SLC9A5: variants seen among roughly 807,000 people sequenced by gnomAD.
SLC9A5 encodes solute carrier family 9 member A5.
SLC9A5 carries 52 observed loss-of-function variants against 91.7 expected under a neutral mutation model. The observed-to-expected ratio is 0.57, with a 90% confidence interval of 0.45 to 0.71. SLC9A5 has a LOEUF of 0.71. Among genes scored for constraint, SLC9A5 ranks in the 30% least tolerant of loss-of-function variants. The pLI, the probability that SLC9A5 is intolerant of heterozygous loss-of-function variation, is 0.00. For synonymous variants in SLC9A5, 419 were observed against 474.5 expected, an observed-to-expected ratio of 0.88 and a Z score of 1.52; for missense variants, 871 against 1,158.9, an observed-to-expected ratio of 0.75 and a Z score of 3.61.
At chr16:67,265,393 C>T (rs2142379287) in intron 14 of SLC9A5, among the ~76,000 whole-genome samples, 1 of 152,222 alleles carries the variant, frequency 6.6e-6, no homozygotes, top group Non-Finnish European at 1.5e-5. Context: ...TGGGTGGACT[C>T]TGGGGCCCAG....
intron 12 of SLC9A5, among the ~76,000 whole-genome samples, chr16:67,260,290 G>A (rs2035484589): frequency 6.8e-6 from 1 of 146,998 alleles, no homozygotes; most frequent in Non-Finnish European, 1.5e-5. Flanking sequence ...GGGAGGCAGA[G>A]GTTGCAATGA....
chr16:67,259,414 T>TA (rs987406359), intron 10 of SLC9A5, among the ~76,000 whole-genome samples, 159 bp from the exon 11 acceptor site: 3 of 151,074 alleles, frequency 2.0e-5, no homozygotes, highest in Non-Finnish European at 2.9e-5. Flanking sequence ...GTACCTATGT[T>TA]ATAGATTTTG....
At position 67,256,499 on chromosome 16, in the gene SLC9A5, G is replaced by T. The variant is rs1197754406; in HGVS notation, c.942G>T (p.Lys314Asn). The change falls in exon 6 of 16, where the codon AAG becomes AAT. Residue 314 changes from lysine (K) to asparagine (N), a missense_variant. This residue lies in a region of SLC9A5 where 454 missense variants were observed against 718.3 expected (regional missense o/e 0.63). Coordinates refer to ENST00000299798, the MANE Select transcript of SLC9A5 (RefSeq NM_004594.3). The surrounding 1 kb of genome is among the most constrained non-coding windows in gnomAD (Gnocchi z 4.1). ...AVTMCGLGCK[K>N]YVEANISHKS... ...CCATGTGTGGCCTGGGCTGTAAGAA[G>T]TACGTGGAGGCCAACATCTCCCATA... The T allele has an allele frequency of 6.2e-7, 1 of 1,612,458 alleles. No homozygotes were observed. Among genetic ancestry groups the T allele is most frequent in the Non-Finnish European group, 8.5e-7 (1 of 1,179,964 alleles).
intron 15 of SLC9A5, among the ~76,000 whole-genome samples, chr16:67,268,734 G>A (rs1158051232): frequency 2.6e-5 from 3 of 116,204 alleles, no homozygotes; most frequent in African/African-American, 9.4e-5. Flanking sequence ...CTTGTCCAAT[G>A]TCCCTTTTAA....
intron 10 of SLC9A5, 95 bp from the exon 11 acceptor site, chr16:67,259,478 A>C (rs1285322602): frequency 3.5e-6 from 3 of 862,762 alleles, no homozygotes; most frequent in Non-Finnish European, 5.8e-6. Flanking sequence ...AAAAGAGTAA[A>C]CTAAGTGTTC....
chr16:67,266,909 CT>C (rs59587631), intron 15 of SLC9A5, among the ~76,000 whole-genome samples: 13,880 of 77,724 alleles, frequency 0.18, 1,590 homozygotes, highest in African/African-American at 0.42. Flanking sequence ...TTTTCTTTTT[CT>C]TTTTTTTTTT....
At chr16:67,249,233 C>A (rs1276220483) in intron 1 of SLC9A5, 32 bp downstream of exon 1, 25 of 1,364,650 alleles carry the variant, frequency 1.8e-5, no homozygotes, top group Non-Finnish European at 2.3e-5. Flanking sequence ...CCAGGCCGAC[C>A]GCCAGCGGCG....
At chr16:67,260,299 G>A (rs2035485285) in intron 12 of SLC9A5, among the ~76,000 whole-genome samples, 1 of 137,832 alleles carries the variant, frequency 7.3e-6, no homozygotes, top group Non-Finnish European at 1.5e-5. Context: ...AGGTTGCAAT[G>A]AGCTGAGGTC....
chr16:67,258,989 G>A lies in SLC9A5; in HGVS notation c.1626+542G>A, dbSNP rs1294662739. Among the ~76,000 whole-genome samples, 3 of 151,998 alleles carry A rather than the reference G, an allele frequency of 2.0e-5. No homozygotes were observed. The highest frequency in any genetic ancestry group is 2.9e-5 in the Non-Finnish European group (2 of 67,966). ...AAAATCTGGGAAGCGGGCTGGGCACGGTGGCTCACACCTGTAATCCCAGCA... is the reference window on the plus strand; with the variant it reads ...AAAATCTGGGAAGCGGGCTGGGCACAGTGGCTCACACCTGTAATCCCAGCA... On this transcript the variant is annotated intron_variant, in intron 10 of 15. Coordinates refer to ENST00000299798, the MANE Select transcript of SLC9A5 (RefSeq NM_004594.3). This position sits in a 1 kb window ranked among gnomAD's most constrained non-coding sequence, Gnocchi z 4.5.
Position 67,258,304 on chromosome 16 carries a change from G to C in SLC9A5, c.1497-14G>C. 1 of 1,613,320 alleles carries C rather than the reference G, an allele frequency of 6.2e-7. No individual in the cohort carries two copies. Among genetic ancestry groups the C allele is most frequent in the East Asian group, 2.2e-5 (1 of 44,880 alleles). ...GGGAATGGGACTCAGGGCCGGGCCT[G>C]GCATCCTCTGTAGGTGGGAGCAGTT... is the stretch of plus-strand genomic sequence containing the variant. On this transcript the variant is annotated splice_polypyrimidine_tract_variant and intron_variant, in intron 9 of 15. Coordinates refer to ENST00000299798, the MANE Select transcript of SLC9A5 (RefSeq NM_004594.3). The surrounding 1 kb of genome is among the most constrained non-coding windows in gnomAD (Gnocchi z 4.5).
intron 13 of SLC9A5, 79 bp downstream of exon 13, chr16:67,264,601 C>T: frequency 3.4e-6 from 5 of 1,462,444 alleles, no homozygotes; most frequent in Non-Finnish European, 4.8e-6. Context: ...TGTTAGGATC[C>T]AGCTTAGGGG....
intron 14 of SLC9A5, among the ~76,000 whole-genome samples, 164 bp from the exon 15 acceptor site, chr16:67,265,924 G>C (rs577613694): frequency 4.1e-4 from 62 of 152,270 alleles, no homozygotes; most frequent in Non-Finnish European, 7.5e-4. Context: ...TTCCTCCCAA[G>C]TCCCCACCTC....
At chr16:67,249,850 G>A (rs972482449) in intron 1 of SLC9A5, among the ~76,000 whole-genome samples, 1 of 152,212 alleles carries the variant, frequency 6.6e-6, no homozygotes, top group African/African-American at 2.4e-5. Context: ...TACCCTAGAT[G>A]CTTTCATACA....
Position 67,266,184 on chromosome 16 carries a change from C to T in SLC9A5, c.2177C>T (p.Ala726Val). 6.2e-7 allele frequency: 1 copy of T among 1,609,208 alleles called. No individual in the cohort carries two copies. The highest frequency in any genetic ancestry group is 8.5e-7 in the Non-Finnish European group (1 of 1,177,838). The change falls in exon 15 of 16, where the codon GCT becomes GTT. Residue 726 changes from alanine (A) to valine (V), a missense_variant. Physicochemically the swap from Ala to Val is moderately conservative, Grantham distance 64. Around this residue, in one of 3 missense-constraint regions of SLC9A5, gnomAD observed 295 missense variants for 326.0 expected, o/e 0.90. Coordinates refer to ENST00000299798, the MANE Select transcript of SLC9A5 (RefSeq NM_004594.3). ...KEDDEGIIFV[A>V]RATSEVLQEG... is the part of the protein sequence containing the mutation. ...GACGATGAGGGGATCATCTTTGTGG[C>T]TCGTGCCACCAGTGAGGTTCTCCAA...
In SLC9A5 at chr16:67,264,370, C is replaced by T. The variant is rs558004056; in HGVS notation, c.1861C>T (p.Arg621Cys). 14 of 1,614,118 alleles carry T rather than the reference C, an allele frequency of 8.7e-6. No individual in the cohort carries two copies. Among genetic ancestry groups the T allele is most frequent in the African/African-American group, 1.3e-5 (1 of 75,038 alleles). Residue 621 changes from arginine to cysteine, a missense_variant, in exon 13 of 16, where the codon CGC (arginine) becomes TGC (cysteine). By Grantham distance (180) the Arg-to-Cys change is radical (BLOSUM62 -3). This residue lies in a region of SLC9A5 where 454 missense variants were observed against 718.3 expected (regional missense o/e 0.63). Coordinates refer to ENST00000299798, the MANE Select transcript of SLC9A5 (RefSeq NM_004594.3). ...TTGCCAGTACAAAGCCAGCTGCAGT[C>T]GCCACTTCATCTCAGAGGATGCGCA... Reference protein sequence around the residue: ...PRRRYKASCSRHFISEDAQER... With the variant: ...PRRRYKASCSCHFISEDAQER...
rs1291318772 is a variant in SLC9A5 at position 67,252,853 on chromosome 16, C to A, written c.490+9C>A. On this transcript the variant is annotated intron_variant, in intron 2 of 15. Transcript: ENST00000299798. This position sits in a 1 kb window ranked among gnomAD's most constrained non-coding sequence, Gnocchi z 4.0. ...GCAGGCTGGACTTGTAGGTGAGTGACCCTAAGACCTGGGCTTTGCCAGACC... is the reference window on the plus strand; with the variant it reads ...GCAGGCTGGACTTGTAGGTGAGTGAACCTAAGACCTGGGCTTTGCCAGACC... 20 of 1,607,560 alleles carry A rather than the reference C, an allele frequency of 1.2e-5. No homozygotes were observed. The highest frequency in any genetic ancestry group is 1.7e-5 in the Admixed American group (1 of 59,754).
Position 67,258,591 on chromosome 16 carries a change from G to C in SLC9A5, c.1626+144G>C. ...TCCATGGTCTGGTGAAGTGGCAGCGGCAGGAAGCAGCTGGGTCTGGTGCTG... is the reference window on the plus strand; with the variant it reads ...TCCATGGTCTGGTGAAGTGGCAGCGCCAGGAAGCAGCTGGGTCTGGTGCTG... On this transcript the variant is annotated intron_variant, in intron 10 of 15. Coordinates refer to ENST00000299798, the MANE Select transcript of SLC9A5 (RefSeq NM_004594.3). This position sits in a 1 kb window ranked among gnomAD's most constrained non-coding sequence, Gnocchi z 4.5. 1 of 924,744 alleles carries C rather than the reference G, an allele frequency of 1.1e-6. No homozygotes were observed. Among genetic ancestry groups the C allele is most frequent in the Non-Finnish European group, 1.7e-6 (1 of 600,010 alleles). The allele number at this position is 924,744 out of a possible 1,614,324, so 57.3% of individuals were successfully genotyped here.
rs372532103 is a variant in SLC9A5 at position 67,268,611 on chromosome 16, TC to T, written c.2219-2124del. Among the ~76,000 whole-genome samples, 52 of 132,604 alleles carry T rather than the reference TC, an allele frequency of 3.9e-4. 1 individual carries two copies. The highest frequency in any genetic ancestry group is 4.3e-3 in the Middle Eastern group (1 of 232). The allele number at this position is 132,604 out of a possible 152,430, so 87.0% of individuals were successfully genotyped here. Reference sequence around the variant, plus strand: ...AAAAAATATGTAACCACAATGCCTTTCCCATATCTAAAAATCTGTCATCAAA... The same window carrying T: ...AAAAAATATGTAACCACAATGCCTTTCCATATCTAAAAATCTGTCATCAAA... On this transcript the variant is annotated intron_variant, in intron 15 of 15. Transcript: ENST00000299798.
In SLC9A5 at chr16:67,271,572, A is replaced by T; in HGVS notation, c.*362A>T. The T allele has an allele frequency of 3.9e-6, 1 of 256,324 alleles. No homozygotes were observed. The highest frequency in any genetic ancestry group is 7.6e-6 in the Non-Finnish European group (1 of 131,052). The allele number at this position is 256,324 out of a possible 1,614,324, so 15.9% of individuals were successfully genotyped here. A position where few individuals can be genotyped will look rare whatever the true frequency, so the allele number is the denominator to read the frequency against. On this transcript the variant is annotated 3_prime_UTR_variant, in exon 16 of 16. Coordinates refer to ENST00000299798, the MANE Select transcript of SLC9A5 (RefSeq NM_004594.3). ...CTCCTGCCCGCAAAGCAAGAGCATCATTCCTATTCTTCAGTGGATGCCAGC... is the reference window on the plus strand; with the variant it reads ...CTCCTGCCCGCAAAGCAAGAGCATCTTTCCTATTCTTCAGTGGATGCCAGC...
Sources: gnomAD v4.1 joint callset for allele counts (sites outside exome capture counted in the v4.1 genomes callset) on GRCh38, gnomAD v4.1.1 for gene constraint, gnomAD v4.1.1 regional missense constraint, Gnocchi (gnomAD v3.1) non-coding constraint, MANE v1.5 for transcripts, NCBI Gene and HGNC (gene_info 2026-07-23, HGNC 2026-07-21) for gene names.